Variants in GPATCH2L observed in about 807,000 individuals in gnomAD.
GPATCH2L encodes the protein G patch domain-containing protein 2-like.
GPATCH2L carries 31 observed loss-of-function variants against 57.4 expected under a neutral mutation model. The ratio of observed to expected loss-of-function variants is 0.54; its 90% CI spans 0.41 to 0.73. The LOEUF is 0.73. Ranked by LOEUF, GPATCH2L falls within the 30% of genes least tolerant of loss-of-function variation. The pLI, the probability that GPATCH2L is intolerant of heterozygous loss-of-function variation, is 0.00. For missense variants in GPATCH2L, 481 were observed against 599.9 expected, an observed-to-expected ratio of 0.80 and a Z score of 2.07; for synonymous variants, 199 against 210.7, an observed-to-expected ratio of 0.94 and a Z score of 0.48.
chr14:76,234,378 T>C (rs1266182423), intron 2 of GPATCH2L: 1 of 152,198 alleles, frequency 6.6e-6, no homozygotes, highest in Non-Finnish European at 1.5e-5. Context: ...CAGCTTTGTG[T>C]AATCCCATCC....
intron 2 of GPATCH2L, among the ~76,000 whole-genome samples, chr14:76,231,844 T>C (rs1419051457): frequency 6.6e-6 from 1 of 152,212 alleles, no homozygotes; most frequent in Non-Finnish European, 1.5e-5. Flanking sequence ...ATAGTAATTA[T>C]ACTATGCCTC....
chr14:76,201,004 G>C (rs1391068779), intron 9 of GPATCH2L, among the ~76,000 whole-genome samples: 1 of 152,196 alleles, frequency 6.6e-6, no homozygotes, highest in Non-Finnish European at 1.5e-5. Context: ...TCAGCAGATA[G>C]GATCCAGATC....
intron 8 of GPATCH2L, among the ~76,000 whole-genome samples, chr14:76,195,216 A>G (rs1021950643): frequency 6.6e-6 from 1 of 152,202 alleles, no homozygotes; most frequent in Non-Finnish European, 1.5e-5. Context: ...CTTGGGGAAC[A>G]GTGGTGAACT....
rs1555385019 is a variant in GPATCH2L at position 76,231,974 on chromosome 14, C to CCTCACTGCAGG, written c.*117+2031_*117+2032insGCTCACTGCAG. Among the ~76,000 whole-genome samples, 271 of 99,892 alleles carry CCTCACTGCAGG rather than the reference C, an allele frequency of 2.7e-3. 3 individuals are homozygous for CCTCACTGCAGG. Among genetic ancestry groups the CCTCACTGCAGG allele is most frequent in the African/African-American group, 5.0e-3 (148 of 29,564 alleles). The allele number at this position is 99,892 out of a possible 152,430, so 65.5% of individuals were successfully genotyped here. A position where few individuals can be genotyped will look rare whatever the true frequency, so the allele number is the denominator to read the frequency against. ...GTGGGGCAAACACATCTCACTGCAGCCTCACTGCAGCCTCACTGCAGCCTC... is the reference window on the plus strand; with the variant it reads ...GTGGGGCAAACACATCTCACTGCAGCCTCACTGCAGGCTCACTGCAGCCTCACTGCAGCCTC... On this transcript the variant is annotated intron_variant and NMD_transcript_variant, in intron 2 of 3. Transcript: ENST00000556372.
chr14:76,220,554 T>C (rs2040509783), intron 1 of GPATCH2L, among the ~76,000 whole-genome samples: 2 of 152,306 alleles, frequency 1.3e-5, no homozygotes, highest in South Asian at 4.1e-4. Flanking sequence ...TGATTAATAA[T>C]ATGGATGATT....
At chr14:76,219,132 A>G (rs1414896008), downstream of GPATCH2L, among the ~76,000 whole-genome samples, 1 of 152,174 alleles carries the variant, frequency 6.6e-6, no homozygotes, top group African/African-American at 2.4e-5. Context: ...GAGAGAAAAC[A>G]TTTCATCATG....
At chr14:76,227,612 A>T (rs2040541545) in intron 1 of GPATCH2L, among the ~76,000 whole-genome samples, 1 of 152,244 alleles carries the variant, frequency 6.6e-6, no homozygotes, top group Non-Finnish European at 1.5e-5. Context: ...GAAATGAATC[A>T]TGCTCCTGTG....
At chr14:76,196,004 T>C in intron 9 of GPATCH2L, 32 bp downstream of exon 9, 7 of 1,451,862 alleles carry the variant, frequency 4.8e-6, no homozygotes, top group Non-Finnish European at 6.8e-6. Flanking sequence ...TTATTGAGCA[T>C]GTACCGTGTG....
intron 2 of GPATCH2L, among the ~76,000 whole-genome samples, chr14:76,166,085 TAA>T (rs2038822391): frequency 2.0e-5 from 3 of 152,346 alleles, no homozygotes; most frequent in Admixed American, 1.3e-4. Flanking sequence ...GAGTTCAAAT[TAA>T]GTTTGTTTTT....
rs958422230 is a variant in GPATCH2L at position 76,205,915 on chromosome 14, C to G, written c.*4064C>G. On this transcript the variant is annotated 3_prime_UTR_variant, in exon 10 of 10. Transcript: ENST00000261530. ...CCTGGGGAGAAGACTATGTAAAAAT[C>G]TCAGCGTTAGAAGCTGTGTTCAGTG... 1 of 152,368 alleles carries G rather than the reference C, an allele frequency of 6.6e-6. No homozygotes were observed. Among genetic ancestry groups the G allele is most frequent in the Non-Finnish European group, 1.5e-5 (1 of 68,062 alleles). 9.4% of individuals were successfully genotyped at this position (152,368 alleles called of 1,614,324 possible).
intron 8 of GPATCH2L, among the ~76,000 whole-genome samples, chr14:76,187,825 A>AT (rs1160216652): frequency 1.3e-5 from 2 of 151,828 alleles, no homozygotes; most frequent in Admixed American, 1.3e-4. Flanking sequence ...CATTCTTTCA[A>AT]TTTTTTTATA....
chr14:76,205,985 G>A lies in GPATCH2L; in HGVS notation c.*4134G>A, dbSNP rs540294333. The A allele has an allele frequency of 2.6e-5, 4 of 152,806 alleles. No individual in the cohort carries two copies. Among genetic ancestry groups the A allele is most frequent in the African/African-American group, 9.6e-5 (4 of 41,602 alleles). 9.5% of individuals were successfully genotyped at this position (152,806 alleles called of 1,614,324 possible). A position where few individuals can be genotyped will look rare whatever the true frequency, so the allele number is the denominator to read the frequency against. On this transcript the variant is annotated 3_prime_UTR_variant, in exon 10 of 10. Transcript: ENST00000261530. ...CTATCTGAGCTGGGCTGAGAGCAGA[G>A]TGGCTTACTGTAGCAGCTGTGGATG...
chr14:76,218,776 G>A (rs968099178), downstream of GPATCH2L, among the ~76,000 whole-genome samples: 3 of 151,760 alleles, frequency 2.0e-5, no homozygotes, highest in Non-Finnish European at 4.4e-5. Context: ...CAGATGAGTG[G>A]AACAGAACAG....
chr14:76,156,936 G>A (rs529680919), intron 2 of GPATCH2L, among the ~76,000 whole-genome samples: 2 of 152,202 alleles, frequency 1.3e-5, no homozygotes, highest in South Asian at 2.1e-4. Flanking sequence ...GTAAATTCTC[G>A]TTATCTGAGA....
chr14:76,191,783 T>C (rs6574277), intron 8 of GPATCH2L, among the ~76,000 whole-genome samples: 59,383 of 152,022 alleles, frequency 0.39, 14,111 homozygotes, highest in South Asian at 0.56. Context: ...TTTCTTTTTG[T>C]TAGAAGCATT....
chr14:76,229,370 G>A (rs2040550355), intron 1 of GPATCH2L, among the ~76,000 whole-genome samples: 2 of 152,192 alleles, frequency 1.3e-5, no homozygotes. Context: ...TTCCTCATCT[G>A]ATATGTGAGT....
At chr14:76,225,169 G>A (rs1302193240) in intron 1 of GPATCH2L, among the ~76,000 whole-genome samples, 1 of 152,124 alleles carries the variant, frequency 6.6e-6, no homozygotes, top group Non-Finnish European at 1.5e-5. Flanking sequence ...AGAAGAGAGT[G>A]TTTAAAGAAC....
chr14:76,191,378 A>G (rs975997816), intron 8 of GPATCH2L, among the ~76,000 whole-genome samples: 1 of 152,088 alleles, frequency 6.6e-6, no homozygotes, highest in African/African-American at 2.4e-5. Context: ...GGGATGAACA[A>G]AAAACTGGAA....
At position 76,190,499 on chromosome 14, in the gene GPATCH2L, G is replaced by A. The variant is rs149561158; in HGVS notation, c.1194-5379G>A. On this transcript the variant is annotated intron_variant, in intron 8 of 9. Coordinates refer to ENST00000261530, the MANE Select transcript of GPATCH2L (RefSeq NM_017926.4). ...CCCACACTTACACTATGAAAGAAGC[G>A]TATACCCCAGGTTTCGCTGGCCTGA... Among the ~76,000 whole-genome samples, 963 of 152,192 alleles carry A rather than the reference G, an allele frequency of 6.3e-3. 2 individuals are homozygous for A. The highest frequency in any genetic ancestry group is 0.014 in the Middle Eastern group (4 of 294).
Sources: gnomAD v4.1 joint callset for allele counts (sites outside exome capture counted in the v4.1 genomes callset) on GRCh38, gnomAD v4.1.1 for gene constraint, MANE v1.5 for transcripts, NCBI Gene and HGNC (gene_info 2026-07-23, HGNC 2026-07-21) for gene names.